The following TAS2R1 variants were observed in gnomAD, a reference collection of about 807,000 sequenced individuals.
TAS2R1 encodes the protein taste receptor type 2 member 1.
For missense variants in TAS2R1, 370 were observed against 353.4 expected, an observed-to-expected ratio of 1.05 and a Z score of -0.38; for synonymous variants, 141 against 134.2, an observed-to-expected ratio of 1.05 and a Z score of -0.35.
At chr5:9,882,023 T>C in the TAS2R1 span, among the ~76,000 whole-genome samples, 1 of 152,156 alleles carries the variant, frequency 6.6e-6, no homozygotes, top group Middle Eastern at 3.2e-3. Context: ...CTAATTAAAC[T>C]AAAGAGCTTC....
chr5:9,771,088 A>C, the TAS2R1 span, among the ~76,000 whole-genome samples: 1 of 152,076 alleles, frequency 6.6e-6, no homozygotes, highest in East Asian at 1.9e-4. Flanking sequence ...CCAATTTTTG[A>C]GGGTATTTAT....
intron 1 of TAS2R1, among the ~76,000 whole-genome samples, chr5:9,704,381 T>C (rs1174967870): frequency 6.6e-6 from 1 of 151,416 alleles, no homozygotes; most frequent in Non-Finnish European, 1.5e-5. Flanking sequence ...AAAAATCAGA[T>C]ATTACAAATC....
intron 1 of TAS2R1, among the ~76,000 whole-genome samples, chr5:9,698,302 A>G (rs1352897803): frequency 6.6e-6 from 1 of 152,166 alleles, no homozygotes; most frequent in Non-Finnish European, 1.5e-5. Flanking sequence ...TCAAAAACCA[A>G]AAGAATGAGA....
At chr5:9,710,707 C>A (rs1309379872) in intron 1 of TAS2R1, among the ~76,000 whole-genome samples, 1 of 151,474 alleles carries the variant, frequency 6.6e-6, no homozygotes, top group East Asian at 1.9e-4. Flanking sequence ...CACAAATGAC[C>A]TGATTAAAAA....
Position 9,628,015 on chromosome 5 carries a change from G to A in TAS2R1, c.*1118C>T, listed in dbSNP as rs1436582149. Among the ~76,000 whole-genome samples, 2 of 152,134 alleles carry A rather than the reference G, an allele frequency of 1.3e-5. No homozygotes were observed. The highest frequency in any genetic ancestry group is 2.9e-5 in the Non-Finnish European group (2 of 68,026). On this transcript the variant is annotated 3_prime_UTR_variant, in exon 1 of 1. Coordinates refer to ENST00000382492, the MANE Select transcript of TAS2R1 (RefSeq NM_019599.3). ...AAACCTGCTTTGCATCATCACGCCT[G>A]AACTACAAGTTACCGCTGAGCTTAA...
the TAS2R1 span, among the ~76,000 whole-genome samples, chr5:9,902,385 A>AT: frequency 1.3e-5 from 2 of 152,054 alleles, no homozygotes; most frequent in Non-Finnish European, 2.9e-5. Flanking sequence ...TGTAGAGCAC[A>AT]TAACACCCCC....
chr5:9,717,584 C>T, the TAS2R1 span, among the ~76,000 whole-genome samples: 1 of 151,838 alleles, frequency 6.6e-6, no homozygotes, highest in South Asian at 2.1e-4. Flanking sequence ...AATACCGCTA[C>T]CAGATGTTAA....
chr5:9,815,780 G>A, the TAS2R1 span, among the ~76,000 whole-genome samples: 1 of 151,786 alleles, frequency 6.6e-6, no homozygotes. Flanking sequence ...AGCATGCTTT[G>A]TATTTGTTCT....
At chr5:9,802,522 T>C in the TAS2R1 span, among the ~76,000 whole-genome samples, 2 of 152,146 alleles carry the variant, frequency 1.3e-5, no homozygotes, top group East Asian at 3.9e-4. Context: ...AGCACTGTTC[T>C]TTATCACCCC....
upstream of TAS2R1, among the ~76,000 whole-genome samples, chr5:9,631,175 T>G (rs1739866269): frequency 6.6e-6 from 1 of 152,226 alleles, no homozygotes. Context: ...GTATAGTTTG[T>G]ACCTTCCAGT....
chr5:9,755,538 G>A, the TAS2R1 span, among the ~76,000 whole-genome samples: 1 of 140,390 alleles, frequency 7.1e-6, no homozygotes. Context: ...AGTGAGCCAA[G>A]ATCGTGCCAT....
At chr5:9,782,205 G>A in the TAS2R1 span, among the ~76,000 whole-genome samples, 1 of 152,166 alleles carries the variant, frequency 6.6e-6, no homozygotes, top group Non-Finnish European at 1.5e-5. Flanking sequence ...ATACTTGTTG[G>A]GGACTTCTGA....
intron 2 of TAS2R1, among the ~76,000 whole-genome samples, chr5:9,639,641 T>C (rs886169021): frequency 6.6e-6 from 1 of 152,214 alleles, no homozygotes; most frequent in Non-Finnish European, 1.5e-5. Flanking sequence ...TTCTCTGCCA[T>C]CTTCCCCCGA....
At chr5:9,859,650 A>G in the TAS2R1 span, among the ~76,000 whole-genome samples, 3 of 152,222 alleles carry the variant, frequency 2.0e-5, no homozygotes, top group Admixed American at 1.3e-4. Flanking sequence ...CAAGCAAAGT[A>G]ATGCAGGGGG....
chr5:9,656,108 T>G (rs1740413184), intron 2 of TAS2R1, among the ~76,000 whole-genome samples: 1 of 152,166 alleles, frequency 6.6e-6, no homozygotes, highest in African/African-American at 2.4e-5. Flanking sequence ...AAATCAGTTC[T>G]GTAAGGGCAA....
chr5:9,748,051 A>G, the TAS2R1 span, among the ~76,000 whole-genome samples: 4 of 152,136 alleles, frequency 2.6e-5, no homozygotes, highest in Admixed American at 6.6e-5. Flanking sequence ...GATTTTCAAT[A>G]TGGTGGAGGA....
Position 9,677,858 on chromosome 5 carries a change from G to A in TAS2R1, c.-241-18277C>T, listed in dbSNP as rs527988228. Among the ~76,000 whole-genome samples, 5 of 152,228 alleles carry A rather than the reference G, an allele frequency of 3.3e-5. No individual in the cohort carries two copies. The South Asian group carries it at 6.2e-4, about 19-fold the overall frequency. On this transcript the variant is annotated intron_variant, in intron 1 of 2. Coordinates refer to the TAS2R1 transcript ENST00000506620. ...GATTAGAAAACTTATGTCCATACAA[G>A]AGCACACATGTGAATGTTTCATAGC...
At chr5:9,771,835 C>G in the TAS2R1 span, among the ~76,000 whole-genome samples, 1 of 152,054 alleles carries the variant, frequency 6.6e-6, no homozygotes, top group Admixed American at 6.5e-5. Flanking sequence ...ACTTGAATTT[C>G]TGAAGTGTCA....
At chr5:9,819,991 A>C in the TAS2R1 span, among the ~76,000 whole-genome samples, 1 of 151,778 alleles carries the variant, frequency 6.6e-6, no homozygotes. Flanking sequence ...ACATAAAGAG[A>C]CCCCCAGCTC....
Sources: gnomAD v4.1 joint callset for allele counts (sites outside exome capture counted in the v4.1 genomes callset) on GRCh38, gnomAD v4.1.1 for gene constraint, MANE v1.5 for transcripts, NCBI Gene and HGNC (gene_info 2026-07-23, HGNC 2026-07-21) for gene names.